The following PAPPA2 variants were observed in gnomAD, a reference collection of about 807,000 sequenced individuals.
The protein encoded by PAPPA2 is pappalysin 2.
Under a neutral mutation model 176.4 loss-of-function variants are expected in PAPPA2, and 86 were observed. The observed-to-expected ratio is 0.49, with a 90% CI of 0.41 to 0.58. PAPPA2 has a LOEUF of 0.58. PAPPA2 is among the 20% of genes least tolerant of loss of function. PAPPA2 has a pLI of 0.00. For missense variants in PAPPA2, 2,073 were observed against 2,256.9 expected, an observed-to-expected ratio of 0.92 and a Z score of 1.65; for synonymous variants, 809 against 852.2, an observed-to-expected ratio of 0.95 and a Z score of 0.88.
At chr1:176,526,584 G>A (rs1177996791) in intron 1 of PAPPA2, among the ~76,000 whole-genome samples, 2 of 152,180 alleles carry the variant, frequency 1.3e-5, no homozygotes, top group Admixed American at 1.3e-4. Flanking sequence ...GATCTTGTGG[G>A]GAGAAAACCT....
chr1:176,800,868 C>A (rs1487924327), intron 21 of PAPPA2, among the ~76,000 whole-genome samples: 4 of 152,098 alleles, frequency 2.6e-5, no homozygotes, highest in African/African-American at 9.7e-5. Flanking sequence ...CCAAACTAGA[C>A]CTTTACCACC....
At chr1:176,687,281 C>T (rs548994688) in intron 4 of PAPPA2, among the ~76,000 whole-genome samples, 2 of 152,292 alleles carry the variant, frequency 1.3e-5, no homozygotes, top group South Asian at 4.1e-4. Flanking sequence ...TGGGAATGTG[C>T]ACCAAGAGTG....
chr1:176,789,841 G>T lies in PAPPA2; in HGVS notation c.4748G>T (p.Gly1583Val). ...KLLKIQCLEG[G>V]IWEQGSCIPV... ...CTGAAGATACAATGCCTGGAAGGTG[G>T]AATCTGGGAGCAAGGCAGCTGCATT... The change falls in exon 18 of 23, where the codon GGA becomes GTA. Residue 1583 changes from glycine (G) to valine (V), a missense_variant. This residue lies in a region of PAPPA2 where 846 missense variants were observed against 857.9 expected (regional missense o/e 0.99). Coordinates refer to ENST00000367662, the MANE Select transcript of PAPPA2 (RefSeq NM_020318.3). 1 of 1,614,030 alleles carries T rather than the reference G, an allele frequency of 6.2e-7. No individual in the cohort carries two copies. The highest frequency in any genetic ancestry group is 8.5e-7 in the Non-Finnish European group (1 of 1,179,974).
rs773206320 is a variant in PAPPA2 at position 176,556,536 on chromosome 1, C to A, written c.214C>A (p.Pro72Thr). Residue 72 changes from proline (P) to threonine (T), a missense_variant, in exon 2 of 23, where the codon CCC (proline) becomes ACC (threonine). Pro to Thr is a conservative substitution (Grantham distance 38, BLOSUM62 -1). This residue lies in a region of PAPPA2 where 1,196 missense variants were observed against 1,330.4 expected (regional missense o/e 0.90). Coordinates refer to ENST00000367662, the MANE Select transcript of PAPPA2 (RefSeq NM_020318.3). ...SPQHHLFGVY[P>T]SRAGNYLRPY... ...ACAGCATCACCTCTTTGGAGTCTAC[C>A]CCAGCAGGGCTGGGAACTACCTAAG... The A allele has an allele frequency of 1.9e-6, 3 of 1,614,160 alleles. No homozygotes were observed. The highest frequency in any genetic ancestry group is 2.2e-5 in the East Asian group (1 of 44,868).
chr1:176,711,771 T>C lies in PAPPA2; in HGVS notation c.3652-64T>C. ...CAACTTTGCTTTGAGCTGGAGAGTT[T>C]CATTGTCCTTACTTATATCTTCACA... On this transcript the variant is annotated intron_variant, in intron 11 of 22. Transcript: ENST00000367662. 1.3e-6 allele frequency: 2 copies of C among 1,518,842 alleles called. 1 individual carries two copies. The highest frequency in any genetic ancestry group is 2.4e-5 in the South Asian group (2 of 84,966). 94.1% of individuals were successfully genotyped at this position (1,518,842 alleles called of 1,614,324 possible).
intron 3 of PAPPA2, among the ~76,000 whole-genome samples, chr1:176,625,453 A>G (rs1558480800): frequency 6.6e-6 from 1 of 152,180 alleles, no homozygotes; most frequent in Non-Finnish European, 1.5e-5. Context: ...CAGGCTTTCA[A>G]TAAATGTTAA....
At position 176,842,826 on chromosome 1, in the gene PAPPA2, C is replaced by T. The variant is rs542060102; in HGVS notation, c.*372C>T. 1 of 174,188 alleles carries T rather than the reference C, an allele frequency of 5.7e-6. No homozygotes were observed. The highest frequency in any genetic ancestry group is 1.6e-4 in the South Asian group (1 of 6,186). 10.8% of individuals were successfully genotyped at this position (174,188 alleles called of 1,614,324 possible). On this transcript the variant is annotated 3_prime_UTR_variant, in exon 23 of 23. Coordinates refer to ENST00000367662, the MANE Select transcript of PAPPA2 (RefSeq NM_020318.3). The stretch of plus-strand genomic sequence containing the variant: ...ACTCAGTCCCACCCAACTTGTAAAC[C>T]AATACCAAAATACTAGAGGAGAAGT...
intron 3 of PAPPA2, among the ~76,000 whole-genome samples, chr1:176,597,695 G>T (rs937007539): frequency 6.6e-5 from 10 of 152,212 alleles, no homozygotes; most frequent in African/African-American, 2.4e-4. Context: ...TAAAAAAAAA[G>T]AAGAAAAGAA....
intron 1 of PAPPA2, among the ~76,000 whole-genome samples, chr1:176,496,537 G>A (rs1226405767): frequency 6.6e-6 from 1 of 152,072 alleles, no homozygotes; most frequent in Non-Finnish European, 1.5e-5. Context: ...CTCAGCAACA[G>A]GCCTGTTTCT....
chr1:176,812,581 A>C (rs950333413), intron 21 of PAPPA2, among the ~76,000 whole-genome samples: 1 of 152,184 alleles, frequency 6.6e-6, no homozygotes, highest in African/African-American at 2.4e-5. Context: ...ATTTACCATC[A>C]TGGTAATTGT....
chr1:176,665,871 T>C (rs1444436514), intron 3 of PAPPA2, among the ~76,000 whole-genome samples: 2 of 152,200 alleles, frequency 1.3e-5, no homozygotes, highest in East Asian at 1.9e-4. Context: ...AACCACCAAT[T>C]ACATTGACAT....
intron 1 of PAPPA2, among the ~76,000 whole-genome samples, chr1:176,512,073 C>G (rs1648629193): frequency 6.6e-6 from 1 of 151,842 alleles, no homozygotes; most frequent in Non-Finnish European, 1.5e-5. Flanking sequence ...AAAGGACCTC[C>G]CCAAAATGGC....
intron 3 of PAPPA2, among the ~76,000 whole-genome samples, chr1:176,650,675 T>A (rs1485471062): frequency 6.6e-6 from 1 of 151,682 alleles, no homozygotes; most frequent in Non-Finnish European, 1.5e-5. Context: ...TTTCTGTATG[T>A]CTTTTAATTG....
intron 3 of PAPPA2, among the ~76,000 whole-genome samples, chr1:176,613,901 C>T (rs1655068183): frequency 6.6e-6 from 1 of 152,088 alleles, no homozygotes; most frequent in African/African-American, 2.4e-5. Flanking sequence ...AGAGAGGCTG[C>T]AGGCTTGGTG....
At chr1:176,504,179 C>T (rs1002249211) in intron 1 of PAPPA2, among the ~76,000 whole-genome samples, 1 of 151,886 alleles carries the variant, frequency 6.6e-6, no homozygotes, top group African/African-American at 2.4e-5. Context: ...GTACACTAAG[C>T]AGCAATTTTT....
chr1:176,574,803 A>G (rs1652554031), intron 2 of PAPPA2, among the ~76,000 whole-genome samples: 1 of 152,190 alleles, frequency 6.6e-6, no homozygotes, highest in South Asian at 2.1e-4. Flanking sequence ...AGATTATAAT[A>G]CCATATTTTT....
intron 14 of PAPPA2, among the ~76,000 whole-genome samples, chr1:176,747,754 T>A (rs560519782): frequency 1.3e-4 from 20 of 152,316 alleles, no homozygotes; most frequent in South Asian, 2.1e-4. Flanking sequence ...CTTAGCTGGG[T>A]CATCTGTAAG....
Position 176,699,562 on chromosome 1 carries a change from C to G in PAPPA2, c.3209C>G (p.Thr1070Arg). ...GCCAGTGGTTTGCCCGTGGTGGTGA[C>G]ACATTCTCACAGGAAGTTCACGGAC... Reference protein sequence around the residue: ...PFASGLPVVVTHSHRKFTDVE... With the variant: ...PFASGLPVVVRHSHRKFTDVE... The change falls in exon 8 of 23, where the codon ACA (threonine) becomes AGA (arginine). Residue 1070 changes from threonine to arginine, a missense_variant. By Grantham distance (71) the Thr-to-Arg change is moderately conservative. This residue lies in a region of PAPPA2 where 846 missense variants were observed against 857.9 expected (regional missense o/e 0.99). Coordinates refer to ENST00000367662, the MANE Select transcript of PAPPA2 (RefSeq NM_020318.3). 3 of 1,607,212 alleles carry G rather than the reference C, an allele frequency of 1.9e-6. No homozygotes were observed. The highest frequency in any genetic ancestry group is 2.6e-6 in the Non-Finnish European group (3 of 1,174,550).
chr1:176,578,884 C>T lies in PAPPA2; in HGVS notation c.920-15640C>T, dbSNP rs185305965. On this transcript the variant is annotated intron_variant, in intron 2 of 22. Coordinates refer to ENST00000367662, the MANE Select transcript of PAPPA2 (RefSeq NM_020318.3). ...TGAGGAAGAAAAGGGTATGAGATGG[C>T]GCCTTTCCCCTTTTGTCGCTACCAT... Among the ~76,000 whole-genome samples, 27 of 152,260 alleles carry T rather than the reference C, an allele frequency of 1.8e-4. No homozygotes were observed. The East Asian group carries it at 2.1e-3, about 12-fold the overall frequency.
Sources: allele counts gnomAD v4.1 joint callset (sites outside exome capture counted in the v4.1 genomes callset), GRCh38; gene constraint gnomAD v4.1.1; regional missense constraint gnomAD v4.1.1; transcripts MANE v1.5; gene names NCBI Gene and HGNC (gene_info 2026-07-23, HGNC 2026-07-21).